Variants in DNAH12 observed in about 807,000 individuals in gnomAD.
DNAH12 encodes the protein axonemal beta dynein heavy chain 12.
Under a neutral mutation model 371.5 loss-of-function variants are expected in DNAH12, and 285 were observed. That is an observed-to-expected ratio of 0.77 (90% CI 0.70 to 0.85). The LOEUF (loss-of-function observed/expected upper bound fraction) is 0.85, where lower values mean the gene tolerates loss of function less well. DNAH12 is among the 40% of genes least tolerant of loss of function. The pLI is 0.00. For synonymous variants in DNAH12, 1,200 were observed against 1,213.0 expected (o/e 0.99, Z 0.22); for missense variants, 3,611 against 3,689.4 (o/e 0.98, Z 0.55).
intron 39 of DNAH12, among the ~76,000 whole-genome samples, chr3:57,412,619 A>C (rs1266272649): frequency 6.6e-6 from 1 of 152,238 alleles, no homozygotes; most frequent in Non-Finnish European, 1.5e-5. Context: ...CCAATTTAAA[A>C]ATGGCCAAAG....
intron 35 of DNAH12, 76 bp downstream of exon 35, chr3:57,424,946 C>G: frequency 1.6e-6 from 1 of 633,554 alleles, no homozygotes; most frequent in Non-Finnish European, 2.8e-6. Flanking sequence ...CTTGTCATGT[C>G]TTTCTCAATA....
chr3:57,322,268 A>C, intron 65 of DNAH12, 75 bp downstream of exon 65: 1 of 1,388,318 alleles, frequency 7.2e-7, no homozygotes, highest in Non-Finnish European at 9.5e-7. Flanking sequence ...CAAAAGCATT[A>C]TTAAACAAAA....
chr3:57,487,698 G>A (rs529489438), intron 12 of DNAH12, among the ~76,000 whole-genome samples: 1 of 152,096 alleles, frequency 6.6e-6, no homozygotes, highest in Non-Finnish European at 1.5e-5. Context: ...GAAACAGGAG[G>A]AATCAAAGAA....
chr3:57,446,259 T>C lies in DNAH12; in HGVS notation c.3951A>G (p.Gly1317=). 1 of 1,550,742 alleles carries C rather than the reference T, an allele frequency of 6.4e-7. No individual in the cohort carries two copies. The part of the protein sequence containing the change: ...DYLAMGKFFK[G]LASSGAWACF... ...AAGCCCAAGCACCAGAAGAAGCCAG[T>C]CCTTTAAAAAACTAAGGACAAAGAA... The change falls in exon 27 of 74, where the codon GGA becomes GGG. Residue 1317 remains glycine, a synonymous_variant. Transcript: ENST00000495027.
chr3:57,537,480 C>T (rs1282555918), intron 2 of DNAH12, among the ~76,000 whole-genome samples: 2 of 152,002 alleles, frequency 1.3e-5, no homozygotes, highest in Admixed American at 6.6e-5. Flanking sequence ...TGACTCTTTA[C>T]ATCCTACCTC....
intron 60 of DNAH12, among the ~76,000 whole-genome samples, chr3:57,339,515 T>C (rs2062340556): frequency 6.6e-6 from 1 of 152,154 alleles, no homozygotes; most frequent in Admixed American, 6.5e-5. Context: ...TAAGTTCTAC[T>C]GTTCTGTAGC....
intron 34 of DNAH12, among the ~76,000 whole-genome samples, chr3:57,427,236 G>A (rs1009597979): frequency 1.1e-4 from 17 of 151,300 alleles, no homozygotes; most frequent in African/African-American, 4.1e-4. Flanking sequence ...TCTAACCTGA[G>A]GAACCTATAA....
chr3:57,341,748 A>C (rs1014494327), intron 60 of DNAH12, among the ~76,000 whole-genome samples: 4 of 152,146 alleles, frequency 2.6e-5, no homozygotes, highest in African/African-American at 9.7e-5. Flanking sequence ...TCTTCACAGA[A>C]ATAGAAAAAA....
intron 22 of DNAH12, among the ~76,000 whole-genome samples, chr3:57,455,920 C>A (rs1406114090): frequency 2.6e-5 from 4 of 151,990 alleles, no homozygotes; most frequent in Non-Finnish European, 5.9e-5. Flanking sequence ...TTAGCAGATC[C>A]AAACTATAAA....
chr3:57,407,369 A>T (rs1338211933), intron 40 of DNAH12, among the ~76,000 whole-genome samples: 1 of 151,836 alleles, frequency 6.6e-6, no homozygotes, highest in African/African-American at 2.4e-5. Flanking sequence ...TGTATTTTCC[A>T]GGACATGCCT....
chr3:57,355,220 T>C (rs1297901623), intron 59 of DNAH12, among the ~76,000 whole-genome samples: 2 of 152,134 alleles, frequency 1.3e-5, no homozygotes, highest in Non-Finnish European at 2.9e-5. Flanking sequence ...TAAAAAGTAA[T>C]ACATAGGACC....
intron 40 of DNAH12, among the ~76,000 whole-genome samples, chr3:57,406,356 CAAAAA>C (rs782271639): frequency 1.0e-5 from 1 of 96,054 alleles, no homozygotes; most frequent in South Asian, 3.1e-4. Flanking sequence ...GATTCTGCCT[CAAAAA>C]AAAAAAAAAA....
In DNAH12 at chr3:57,404,984, T is replaced by C; in HGVS notation, c.6740A>G (p.Asn2247Ser). The C allele has an allele frequency of 5.9e-6, 9 of 1,516,106 alleles. No individual in the cohort carries two copies. Among genetic ancestry groups the C allele is most frequent in the African/African-American group, 2.8e-5 (2 of 70,688 alleles). The allele number at this position is 1,516,106 out of a possible 1,614,324, so 93.9% of individuals were successfully genotyped here. Residue 2247 changes from asparagine (N) to serine (S), a missense_variant, in exon 42 of 74, where the codon AAT becomes AGT. By Grantham distance (46) the Asn-to-Ser change is conservative. This residue lies in a region of DNAH12 where 2,266 missense variants were observed against 2,236.9 expected (regional missense o/e 1.01). Transcript: ENST00000495027. ...EYNQTHKTRM[N>S]LVIFRYVLEH... Reference sequence around the variant, plus strand: ...ATATAGGTACCTAAAAATGACAAGATTCATTCTTGTTTTGTGTGTTTGATT... The same window carrying C: ...ATATAGGTACCTAAAAATGACAAGACTCATTCTTGTTTTGTGTGTTTGATT...
At chr3:57,294,722 T>C (rs1301532300) in intron 73 of DNAH12, among the ~76,000 whole-genome samples, 1 of 152,198 alleles carries the variant, frequency 6.6e-6, no homozygotes, top group South Asian at 2.1e-4. Context: ...TATTTGTTTT[T>C]AGCAGGTAAA....
At chr3:57,406,061 T>A (rs1270884551) in intron 40 of DNAH12, 109 bp from the exon 41 acceptor site, 16 of 1,224,936 alleles carry the variant, frequency 1.3e-5, no homozygotes, top group Non-Finnish European at 1.5e-5. Context: ...TCAGATTATA[T>A]GGGCTTGGGC....
intron 33 of DNAH12, 139 bp downstream of exon 33, chr3:57,429,552 C>G: frequency 1.4e-6 from 1 of 726,424 alleles, no homozygotes; most frequent in Non-Finnish European, 2.2e-6. Context: ...CCTCCCTAAA[C>G]AAGCATACAC....
chr3:57,482,759 A>C (rs530762272), intron 13 of DNAH12, among the ~76,000 whole-genome samples: 22 of 152,200 alleles, frequency 1.4e-4, no homozygotes, highest in East Asian at 3.9e-4. Context: ...AGGATGAGTT[A>C]ATGTCCTTTG....
rs555104955 is a variant in DNAH12, at chr3:57,471,508, C to T, written c.1875G>A (p.Glu625=). The change falls in exon 15 of 74, where the codon GAG becomes GAA. Residue 625 remains glutamate (E), a synonymous_variant. Coordinates refer to ENST00000495027, the MANE Select transcript of DNAH12 (RefSeq NM_001366028.2). ...EIEKESRRME[E]FTEFAELERM... ...GCTCCAGCTCTGCAAATTCTGTAAA[C>T]TCCTCCATGCGGCGTGATTCTTTTT... is the stretch of plus-strand genomic sequence containing the variant. 2.9e-4 allele frequency: 444 copies of T among 1,548,140 alleles called. 3 individuals carry two copies. The South Asian group carries it at 4.4e-3, about 15-fold the overall frequency.
chr3:57,372,479 G>A (rs2063195949), intron 55 of DNAH12, among the ~76,000 whole-genome samples: 1 of 151,784 alleles, frequency 6.6e-6, no homozygotes, highest in East Asian at 1.9e-4. Context: ...CACTCTAAAA[G>A]ATAAATTATT....
Sources: allele counts gnomAD v4.1 joint callset (sites outside exome capture counted in the v4.1 genomes callset), GRCh38; gene constraint gnomAD v4.1.1; regional missense constraint gnomAD v4.1.1; transcripts MANE v1.5; gene names NCBI Gene and HGNC (gene_info 2026-07-23, HGNC 2026-07-21).